ADCY1: variants seen among roughly 807,000 people sequenced by gnomAD.
ADCY1 encodes the protein adenylate cyclase 1.
ADCY1 carries 28 observed loss-of-function variants against 105.4 expected under a neutral mutation model. The ratio of observed to expected loss-of-function variants is 0.27; its 90% CI spans 0.20 to 0.36. The LOEUF (loss-of-function observed/expected upper bound fraction) is 0.36, where lower values mean the gene tolerates loss of function less well. Ranked by LOEUF, ADCY1 falls within the 10% of genes least tolerant of loss-of-function variation. The pLI is 1.00. For missense variants in ADCY1, 977 were observed against 1,434.2 expected (o/e 0.68, Z 5.15); for synonymous variants, 655 against 623.8 (o/e 1.05, Z -0.75).
At chr7:45,696,442 A>G (rs1324055740) in intron 14 of ADCY1, among the ~76,000 whole-genome samples, 123 of 149,460 alleles carry the variant, frequency 8.2e-4, no homozygotes, top group Non-Finnish European at 1.5e-3. Flanking sequence ...CCATCTCAAA[A>G]AAAAAAAAAA....
chr7:45,592,412 C>T (rs190124662), intron 1 of ADCY1, among the ~76,000 whole-genome samples: 173 of 152,288 alleles, frequency 1.1e-3, no homozygotes, highest in Non-Finnish European at 1.9e-3. Context: ...GTGCCCACCC[C>T]GATGGCCTCA....
At chr7:45,616,224 G>C (rs1375507285) in intron 3 of ADCY1, among the ~76,000 whole-genome samples, 1 of 152,186 alleles carries the variant, frequency 6.6e-6, no homozygotes, top group Non-Finnish European at 1.5e-5. Flanking sequence ...GGCCCAGATG[G>C]TTTCACTGGT....
chr7:45,618,905 G>A (rs1793813739), intron 3 of ADCY1, among the ~76,000 whole-genome samples: 1 of 152,096 alleles, frequency 6.6e-6, no homozygotes, highest in Admixed American at 6.5e-5. Flanking sequence ...AAAGAGATAT[G>A]TGCTCTCCCT....
At chr7:45,608,661 G>A (rs563708638) in intron 2 of ADCY1, among the ~76,000 whole-genome samples, 1 of 152,358 alleles carries the variant, frequency 6.6e-6, no homozygotes, top group South Asian at 2.1e-4. Context: ...CCTGGGATCA[G>A]CATTTGTGGC....
chr7:45,633,671 G>A (rs1160128363), intron 4 of ADCY1, among the ~76,000 whole-genome samples: 1 of 151,788 alleles, frequency 6.6e-6, no homozygotes, highest in Non-Finnish European at 1.5e-5. Flanking sequence ...GTGTGGTGGC[G>A]GGCGCCCGTA....
At chr7:45,705,021 A>G (rs1264554440) in intron 17 of ADCY1, among the ~76,000 whole-genome samples, 1 of 151,746 alleles carries the variant, frequency 6.6e-6, no homozygotes, top group Non-Finnish European at 1.5e-5. Context: ...AACTATGAAT[A>G]AATACAAATA....
chr7:45,581,578 C>T (rs972322114), intron 1 of ADCY1, among the ~76,000 whole-genome samples: 1 of 152,032 alleles, frequency 6.6e-6, no homozygotes, highest in African/African-American at 2.4e-5. Flanking sequence ...TTTTTGAGCC[C>T]CAAGCAGCAT....
chr7:45,623,718 G>A (rs573326234), intron 4 of ADCY1, among the ~76,000 whole-genome samples: 1 of 152,306 alleles, frequency 6.6e-6, no homozygotes, highest in African/African-American at 2.4e-5. Flanking sequence ...CATCCTCCCT[G>A]AGATTTTCAC....
At chr7:45,664,273 G>A in intron 8 of ADCY1, 1 of 1,535,862 alleles carries the variant, frequency 6.5e-7, no homozygotes, top group Non-Finnish European at 8.7e-7. Flanking sequence ...CCACACATCT[G>A]ATGCCTCTCC....
At chr7:45,670,495 C>A (rs981896258) in intron 8 of ADCY1, among the ~76,000 whole-genome samples, 1 of 152,162 alleles carries the variant, frequency 6.6e-6, no homozygotes, top group Admixed American at 6.5e-5. Context: ...TCCATTAGCA[C>A]CAACCGGAAA....
At chr7:45,683,572 G>T (rs1000481985) in intron 11 of ADCY1, among the ~76,000 whole-genome samples, 5 of 152,150 alleles carry the variant, frequency 3.3e-5, no homozygotes, top group African/African-American at 9.7e-5. Flanking sequence ...TAGCAGGACT[G>T]GGGACTATGG....
Position 45,704,502 on chromosome 7 carries a change from T to C in ADCY1, c.2719-16T>C. The stretch of plus-strand genomic sequence containing the variant: ...AATGTTATGTCATGTTTAACAGTTT[T>C]ATGTTTTAAACAAAGCTCATGGAAA... On this transcript the variant is annotated splice_polypyrimidine_tract_variant and intron_variant, in intron 16 of 19. Transcript: ENST00000297323. 1 of 1,609,486 alleles carries C rather than the reference T, an allele frequency of 6.2e-7. No individual in the cohort carries two copies. Among genetic ancestry groups the C allele is most frequent in the South Asian group, 1.1e-5 (1 of 90,812 alleles).
chr7:45,603,406 C>T (rs573808746), intron 2 of ADCY1, among the ~76,000 whole-genome samples: 2 of 152,292 alleles, frequency 1.3e-5, no homozygotes, highest in Admixed American at 6.5e-5. Flanking sequence ...GTGGCTGCAC[C>T]ATTTTCCATC....
intron 5 of ADCY1, among the ~76,000 whole-genome samples, chr7:45,650,123 GACATCAT>G (rs1270505550): frequency 6.6e-6 from 1 of 152,154 alleles, no homozygotes; most frequent in Non-Finnish European, 1.5e-5. Flanking sequence ...CATCTCAGAT[GACATCAT>G]ACATCACCTT....
At chr7:45,677,243 A>T (rs1421989592) in intron 8 of ADCY1, among the ~76,000 whole-genome samples, 1 of 152,106 alleles carries the variant, frequency 6.6e-6, no homozygotes, top group African/African-American at 2.4e-5. Context: ...CTCTTTTAAT[A>T]TTCTTATTTT....
Position 45,685,181 on chromosome 7 carries a change from C to T in ADCY1, c.2073+113C>T. 11 of 1,004,632 alleles carry T rather than the reference C, an allele frequency of 1.1e-5. No homozygotes were observed. In the South Asian group the frequency reaches 1.5e-4, roughly 14 times the overall value. The allele number at this position is 1,004,632 out of a possible 1,614,324, so 62.2% of individuals were successfully genotyped here. A position where few individuals can be genotyped will look rare whatever the true frequency, so the allele number is the denominator to read the frequency against. ...GAGACAGGGAGGTCATCAGAGACGTCAGTAACAGGCATGGGGCCCCAAGGA... is the reference window on the plus strand; with the variant it reads ...GAGACAGGGAGGTCATCAGAGACGTTAGTAACAGGCATGGGGCCCCAAGGA... On this transcript the variant is annotated intron_variant, in intron 12 of 19. Transcript: ENST00000297323.
chr7:45,719,386 C>A lies in ADCY1; in HGVS notation c.*5391C>A, dbSNP rs1456056618. On this transcript the variant is annotated 3_prime_UTR_variant, in exon 20 of 20. Coordinates refer to ENST00000297323, the MANE Select transcript of ADCY1 (RefSeq NM_021116.4). Reference sequence around the variant, plus strand: ...ACACTTAGTGAAAGCAGATCCTGTACTAGGATGTGAGGATATCTGTCACCT... The same window carrying A: ...ACACTTAGTGAAAGCAGATCCTGTAATAGGATGTGAGGATATCTGTCACCT... 1 of 152,234 alleles carries A rather than the reference C, an allele frequency of 6.6e-6. No individual in the cohort carries two copies. The highest frequency in any genetic ancestry group is 6.5e-5 in the Admixed American group (1 of 15,292). The allele number at this position is 152,234 out of a possible 1,614,324, so 9.4% of individuals were successfully genotyped here. A position where few individuals can be genotyped will look rare whatever the true frequency, so the allele number is the denominator to read the frequency against.
chr7:45,609,131 C>G (rs1042232600), intron 2 of ADCY1, among the ~76,000 whole-genome samples: 7 of 152,254 alleles, frequency 4.6e-5, no homozygotes, highest in Non-Finnish European at 1.5e-5. Flanking sequence ...CTCATGGCCA[C>G]TTCCCAGAGA....
At chr7:45,711,946 C>T (rs57038013) in intron 19 of ADCY1, among the ~76,000 whole-genome samples, 339 of 47,144 alleles carry the variant, frequency 7.2e-3, no homozygotes, top group Non-Finnish European at 9.4e-3. Flanking sequence ...TATATAAATA[C>T]ATATTATATT....
Sources: gnomAD v4.1 joint callset for allele counts (sites outside exome capture counted in the v4.1 genomes callset) on GRCh38, gnomAD v4.1.1 for gene constraint, MANE v1.5 for transcripts, NCBI Gene and HGNC (gene_info 2026-07-23, HGNC 2026-07-21) for gene names.